CTNNA3: variants seen among roughly 807,000 people sequenced by gnomAD.
CTNNA3 encodes the protein catenin alpha-3.
Under a neutral mutation model 95.7 loss-of-function variants are expected in CTNNA3, and 76 were observed. The observed-to-expected ratio is 0.79, with a 90% CI of 0.66 to 0.96. The LOEUF (loss-of-function observed/expected upper bound fraction) is 0.96, where lower values mean the gene tolerates loss of function less well. Ranked by LOEUF, CTNNA3 falls within the 40% of genes least tolerant of loss-of-function variation. CTNNA3 has a pLI of 0.00. For missense variants in CTNNA3, 1,191 were observed against 1,089.8 expected, an observed-to-expected ratio of 1.09 and a Z score of -1.31; for synonymous variants, 431 against 374.4, an observed-to-expected ratio of 1.15 and a Z score of -1.74.
intron 7 of CTNNA3, chr10:66,928,031 C>T (rs1172483882): frequency 6.2e-7 from 1 of 1,613,954 alleles, no homozygotes; most frequent in Non-Finnish European, 8.5e-7. Context: ...TTTGATCTGG[C>T]CAGGGCTCTC....
At chr10:66,241,736 GA>G (rs1291148149) in intron 13 of CTNNA3, among the ~76,000 whole-genome samples, 1 of 146,946 alleles carries the variant, frequency 6.8e-6, no homozygotes, top group Non-Finnish European at 1.5e-5. Flanking sequence ...CAAATAAAAC[GA>G]AAAGGGGTAA....
chr10:66,183,711 T>G (rs186637538), intron 13 of CTNNA3, among the ~76,000 whole-genome samples: 1 of 152,342 alleles, frequency 6.6e-6, no homozygotes. Context: ...TTTGACATAG[T>G]TGGTAAACAC....
chr10:67,167,329 A>G (rs1415900324), intron 7 of CTNNA3, among the ~76,000 whole-genome samples: 5 of 152,096 alleles, frequency 3.3e-5, no homozygotes, highest in South Asian at 2.1e-4. Flanking sequence ...ATGCAGCTCT[A>G]TCAACCAGAG....
rs1048737102 is a variant in CTNNA3, at chr10:66,780,011, G to C, written c.1048-4487C>G. ...GCATTCTTGAGTAGGTAACAATTGA[G>C]TATTACAGGATATATAAAAGTCAGC... On this transcript the variant is annotated intron_variant, in intron 7 of 17. Coordinates refer to ENST00000433211, the MANE Select transcript of CTNNA3 (RefSeq NM_013266.4). 3.9e-5 allele frequency among the ~76,000 whole-genome samples: 6 copies of C among 152,040 alleles called. No homozygotes were observed. In the South Asian group the frequency reaches 8.3e-4, roughly 21 times the overall value.
At chr10:65,936,080 A>G (rs188506919) in intron 17 of CTNNA3, among the ~76,000 whole-genome samples, 38 of 152,250 alleles carry the variant, frequency 2.5e-4, no homozygotes, top group Admixed American at 2.1e-3. Flanking sequence ...TCAAAATGCT[A>G]CCAGGGAAGA....
chr10:66,590,388 C>A (rs962771348), intron 10 of CTNNA3, among the ~76,000 whole-genome samples: 1 of 152,054 alleles, frequency 6.6e-6, no homozygotes, highest in African/African-American at 2.4e-5. Context: ...CCGTACCAGA[C>A]AACTGGATAC....
chr10:67,539,439 G>A, intron 4 of CTNNA3, 64 bp downstream of exon 4: 2 of 1,569,930 alleles, frequency 1.3e-6, no homozygotes, highest in Non-Finnish European at 1.7e-6. Context: ...ATCGACGCCA[G>A]GTTCAGAGAA....
intron 17 of CTNNA3, among the ~76,000 whole-genome samples, chr10:65,962,519 A>G (rs2133244439): frequency 6.6e-6 from 1 of 152,024 alleles, no homozygotes; most frequent in South Asian, 2.1e-4. Flanking sequence ...TCTCATCAAT[A>G]TTGCCCTAAG....
At chr10:66,106,598 A>G (rs2081922793) in intron 13 of CTNNA3, among the ~76,000 whole-genome samples, 1 of 152,120 alleles carries the variant, frequency 6.6e-6, no homozygotes, top group African/African-American at 2.4e-5. Context: ...GCTCAGTTAC[A>G]CTAAGATGCT....
chr10:66,676,086 A>C (rs1435565419), intron 9 of CTNNA3, among the ~76,000 whole-genome samples: 1 of 150,114 alleles, frequency 6.7e-6, no homozygotes, highest in African/African-American at 2.4e-5. Flanking sequence ...GAATTTCTAC[A>C]TGTTAGAGTT....
At chr10:67,231,468 T>G (rs976668494) in intron 5 of CTNNA3, among the ~76,000 whole-genome samples, 1 of 152,114 alleles carries the variant, frequency 6.6e-6, no homozygotes, top group Non-Finnish European at 1.5e-5. Context: ...GAGGGTCCTG[T>G]CTGTTAGAAG....
intron 7 of CTNNA3, among the ~76,000 whole-genome samples, chr10:66,937,837 T>C (rs1317837453): frequency 6.6e-6 from 1 of 152,166 alleles, no homozygotes; most frequent in Non-Finnish European, 1.5e-5. Context: ...CCAGAATAGA[T>C]CAAATTCTGC....
intron 5 of CTNNA3, among the ~76,000 whole-genome samples, chr10:67,278,641 G>C (rs1180052515): frequency 6.6e-6 from 1 of 152,100 alleles, no homozygotes; most frequent in Non-Finnish European, 1.5e-5. Flanking sequence ...TTTCTTATCA[G>C]ACCTAAAAAC....
At chr10:66,181,766 T>A (rs1021899983) in intron 13 of CTNNA3, among the ~76,000 whole-genome samples, 2 of 152,216 alleles carry the variant, frequency 1.3e-5, no homozygotes, top group African/African-American at 4.8e-5. Context: ...GGTTTTTGAG[T>A]TGGTATGCTT....
intron 9 of CTNNA3, among the ~76,000 whole-genome samples, chr10:66,753,952 T>C (rs941939922): frequency 4.6e-5 from 7 of 152,168 alleles, no homozygotes; most frequent in Admixed American, 1.3e-4. Flanking sequence ...AAGATGGAAA[T>C]ACTCCCAAAC....
chr10:66,680,987 G>A (rs1847048220), intron 9 of CTNNA3, among the ~76,000 whole-genome samples: 2 of 152,116 alleles, frequency 1.3e-5, no homozygotes, highest in Admixed American at 1.3e-4. Flanking sequence ...GAGATCATAT[G>A]TAGCCTTAAA....
chr10:67,512,519 G>A (rs1286523673), intron 5 of CTNNA3, among the ~76,000 whole-genome samples: 4 of 152,082 alleles, frequency 2.6e-5, no homozygotes, highest in Non-Finnish European at 5.9e-5. Context: ...AGGTTTAGAC[G>A]ACACGGGATT....
chr10:66,161,533 C>G (rs1486009098), intron 13 of CTNNA3, among the ~76,000 whole-genome samples: 9 of 152,170 alleles, frequency 5.9e-5, no homozygotes, highest in African/African-American at 4.8e-5. Context: ...GGCCCCAATC[C>G]TTTCTAGCTT....
At chr10:67,751,940 T>C (rs748761766) in intron 1 of CTNNA3, among the ~76,000 whole-genome samples, 3 of 151,786 alleles carry the variant, frequency 2.0e-5, no homozygotes, top group Non-Finnish European at 4.4e-5. Context: ...TCCAAACAAC[T>C]GAAAAGGAGG....
Sources: gnomAD v4.1 joint callset for allele counts (sites outside exome capture counted in the v4.1 genomes callset) on GRCh38, gnomAD v4.1.1 for gene constraint, MANE v1.5 for transcripts, NCBI Gene and HGNC (gene_info 2026-07-23, HGNC 2026-07-21) for gene names.